The following CELF4 variants were observed in gnomAD, a reference collection of about 807,000 sequenced individuals.
CELF4 encodes CUG-BP- and ETR-3-like factor 4.
In CELF4, 18 loss-of-function variants were observed where a neutral mutation model predicts 59.9. The observed-to-expected ratio is 0.30, with a 90% confidence interval of 0.21 to 0.45. The LOEUF is 0.45. CELF4 is among the 20% of genes least tolerant of loss of function. CELF4 has a pLI of 1.00. For synonymous variants in CELF4, 261 were observed against 267.1 expected, an observed-to-expected ratio of 0.98 and a Z score of 0.22; for missense variants, 456 against 689.0, an observed-to-expected ratio of 0.66 and a Z score of 3.79.
At chr18:37,479,065 A>G (rs940498595) in intron 2 of CELF4, among the ~76,000 whole-genome samples, 1 of 152,146 alleles carries the variant, frequency 6.6e-6, no homozygotes, top group African/African-American at 2.4e-5. Flanking sequence ...CGGTGCTGAA[A>G]CTGCTAAGCC....
intron 1 of CELF4, among the ~76,000 whole-genome samples, chr18:37,499,918 C>T (rs2099929594): frequency 6.6e-6 from 1 of 152,204 alleles, no homozygotes. Context: ...GTACACGTCC[C>T]TCTTTTACAC....
chr18:37,414,732 C>T (rs1603637761), intron 2 of CELF4, among the ~76,000 whole-genome samples: 2 of 152,018 alleles, frequency 1.3e-5, no homozygotes, highest in South Asian at 2.1e-4. Flanking sequence ...CTCCTGACCT[C>T]GTGATCCACC....
intron 2 of CELF4, among the ~76,000 whole-genome samples, chr18:37,454,151 A>C (rs922119488): frequency 6.6e-6 from 1 of 152,226 alleles, no homozygotes; most frequent in Non-Finnish European, 1.5e-5. Flanking sequence ...AAATAACTAA[A>C]AACAGCTTTG....
chr18:37,563,720 C>A (rs1281460544), intron 1 of CELF4, among the ~76,000 whole-genome samples: 1 of 152,152 alleles, frequency 6.6e-6, no homozygotes, highest in African/African-American at 2.4e-5. Context: ...ATTACAGCCC[C>A]CACCCTCACC....
At chr18:37,517,780 G>A (rs1164717921) in intron 1 of CELF4, among the ~76,000 whole-genome samples, 1 of 152,156 alleles carries the variant, frequency 6.6e-6, no homozygotes, top group African/African-American at 2.4e-5. Context: ...TGCACCTCAT[G>A]GTGACACCTC....
intron 2 of CELF4, among the ~76,000 whole-genome samples, chr18:37,373,533 C>T (rs745839803): frequency 2.0e-5 from 3 of 152,174 alleles, no homozygotes; most frequent in Non-Finnish European, 4.4e-5. Flanking sequence ...CAGTGATGAC[C>T]AGCGGGTGTG....
intron 1 of CELF4, among the ~76,000 whole-genome samples, chr18:37,548,349 A>G (rs922245332): frequency 6.6e-6 from 1 of 152,206 alleles, no homozygotes; most frequent in Non-Finnish European, 1.5e-5. Flanking sequence ...ATCTGGGTGT[A>G]TCTAACCTCA....
In CELF4 at chr18:37,295,198, C is replaced by T. The variant is rs553044065; in HGVS notation, c.449-19955G>A. ...ATGCTGGCTTGGCTTGTCCCAGATC[C>T]CTGCCCCTGCCCGAATGAATGAGGA... is the stretch of plus-strand genomic sequence containing the variant. On this transcript the variant is annotated intron_variant, in intron 3 of 12. Transcript: ENST00000420428. Among the ~76,000 whole-genome samples, 90 of 152,342 alleles carry T rather than the reference C, an allele frequency of 5.9e-4. 1 individual carries two copies. The highest frequency in any genetic ancestry group is 1.9e-3 in the African/African-American group (77 of 41,578).
At chr18:37,552,760 C>T (rs887366292) in intron 1 of CELF4, among the ~76,000 whole-genome samples, 1 of 152,266 alleles carries the variant, frequency 6.6e-6, no homozygotes, top group African/African-American at 2.4e-5. Flanking sequence ...CTGGCTCCAG[C>T]TGGATGGTTC....
chr18:37,421,471 C>G lies in CELF4; in HGVS notation c.369+64054G>C, dbSNP rs370316351. On this transcript the variant is annotated intron_variant, in intron 2 of 12. Transcript: ENST00000420428. ...GGTAGGCCAGCTGAATGCATCTCTG[C>G]CTACAATGAAGAAGGCAGCCTAGGA... Among the ~76,000 whole-genome samples, 245 of 152,354 alleles carry G rather than the reference C, an allele frequency of 1.6e-3. 2 individuals carry two copies. The highest frequency in any genetic ancestry group is 5.4e-3 in the African/African-American group (224 of 41,584).
intron 2 of CELF4, among the ~76,000 whole-genome samples, chr18:37,476,728 C>A (rs1423086767): frequency 6.6e-6 from 1 of 152,200 alleles, no homozygotes; most frequent in African/African-American, 2.4e-5. Flanking sequence ...CAGGAGCTCA[C>A]ACAGACATTC....
intron 2 of CELF4, among the ~76,000 whole-genome samples, chr18:37,424,326 G>A (rs2099598973): frequency 6.6e-6 from 1 of 152,072 alleles, no homozygotes; most frequent in Admixed American, 6.5e-5. Context: ...CGGGAGGCTG[G>A]GGGCAGAGGG....
intron 10 of CELF4, among the ~76,000 whole-genome samples, chr18:37,262,413 G>T (rs562722701): frequency 6.6e-6 from 1 of 152,186 alleles, no homozygotes; most frequent in East Asian, 1.9e-4. Context: ...GGAGGGGGGG[G>T]CAGGAATTGC....
rs2066653922 is a variant in CELF4, at chr18:37,253,225, C to A, written c.*44+542G>T. Among the ~76,000 whole-genome samples the A allele has an allele frequency of 6.6e-6, 1 of 152,182 alleles. No individual in the cohort carries two copies. Among genetic ancestry groups the A allele is most frequent in the Non-Finnish European group, 1.5e-5 (1 of 68,036 alleles). On this transcript the variant is annotated intron_variant, in intron 12 of 12. Transcript: ENST00000420428. The surrounding 1 kb of genome is among the most constrained non-coding windows in gnomAD (Gnocchi z 4.5). ...GCTTTCATCCCATCCTGCTTTGTTT[C>A]TTAGTAAAGTTCCCTTTGAAAGATC...
intron 2 of CELF4, among the ~76,000 whole-genome samples, chr18:37,447,026 T>C (rs1332007448): frequency 6.6e-6 from 1 of 152,010 alleles, no homozygotes; most frequent in African/African-American, 2.4e-5. Flanking sequence ...TATCCAGCAG[T>C]GTGTGATCAG....
In CELF4 at chr18:37,274,952, C is replaced by T. The variant is rs553691338; in HGVS notation, c.578-68G>A. The T allele has an allele frequency of 2.2e-4, 341 of 1,568,676 alleles. 3 individuals are homozygous for T. The East Asian group carries it at 7.8e-3, about 36-fold the overall frequency. The stretch of plus-strand genomic sequence containing the variant: ...CCAGGGAGGGGCCGGGAGGAGAGGG[C>T]GCATCCCAGGTGAACGCAGACGGGT... On this transcript the variant is annotated intron_variant, in intron 4 of 12. Coordinates refer to ENST00000420428, the MANE Select transcript of CELF4 (RefSeq NM_020180.4).
intron 2 of CELF4, among the ~76,000 whole-genome samples, chr18:37,325,582 C>T (rs2097281852): frequency 6.6e-6 from 1 of 152,128 alleles, no homozygotes; most frequent in Non-Finnish European, 1.5e-5. Flanking sequence ...CCAGACGGGC[C>T]CTGGATGGTG....
chr18:37,528,977 T>A (rs940987995), intron 1 of CELF4: 2 of 152,218 alleles, frequency 1.3e-5, no homozygotes, highest in East Asian at 3.9e-4. Context: ...TACTCTTAGC[T>A]CATTCCTTTA....
intron 3 of CELF4, among the ~76,000 whole-genome samples, chr18:37,307,216 G>A (rs1238362128): frequency 6.6e-6 from 1 of 152,210 alleles, no homozygotes; most frequent in Non-Finnish European, 1.5e-5. Context: ...CTGTGCCTCT[G>A]CTCTGGGCAA....
Sources: allele counts gnomAD v4.1 joint callset (sites outside exome capture counted in the v4.1 genomes callset), GRCh38; gene constraint gnomAD v4.1.1; non-coding constraint Gnocchi (gnomAD v3.1); transcripts MANE v1.5; gene names NCBI Gene and HGNC (gene_info 2026-07-23, HGNC 2026-07-21).